Variants in SCAMP3 observed in about 807,000 individuals in gnomAD.
SCAMP3 encodes the protein secretory carrier-associated membrane protein 3.
In SCAMP3, 30 loss-of-function variants were observed where a neutral mutation model predicts 44.1. That is an observed-to-expected ratio of 0.68 (90% confidence interval 0.51 to 0.92). The LOEUF (loss-of-function observed/expected upper bound fraction) is 0.92. Ranked by LOEUF, SCAMP3 falls within the 40% of genes least tolerant of loss-of-function variation. The pLI is 0.00. For missense variants in SCAMP3, 394 were observed against 440.0 expected (o/e 0.90, Z 0.93); for synonymous variants, 168 against 171.1 (o/e 0.98, Z 0.14).
At position 155,256,740 on chromosome 1, in the gene SCAMP3, C is replaced by T; in HGVS notation, c.831G>A (p.Val277=). The change falls in exon 8 of 9, where the codon GTG becomes GTA. Residue 277 remains valine (V), a synonymous_variant. Transcript: ENST00000302631. The part of the protein sequence containing the change: ...VVPKGNTAVS[V]LMLLVALLFT... ...AGAGCAGGGCGACCAGCAGCATGAG[C>T]ACGGATACTGCTGTGTTGCCCTTCG... 2 of 1,614,238 alleles carry T rather than the reference C, an allele frequency of 1.2e-6. No individual in the cohort carries two copies. Among genetic ancestry groups the T allele is most frequent in the Middle Eastern group, 1.6e-4 (1 of 6,062 alleles).
chr1:155,257,616 C>A lies in SCAMP3; in HGVS notation c.559G>T (p.Ala187Ser), dbSNP rs1366844025. 6.3e-7 allele frequency: 1 copy of A among 1,577,448 alleles called. No homozygotes were observed. Among genetic ancestry groups the A allele is most frequent in the Non-Finnish European group, 8.6e-7 (1 of 1,160,096 alleles). The change falls in exon 6 of 9, where the codon GCC (alanine) becomes TCC (serine). Residue 187 changes from alanine (A) to serine (S), a missense_variant. Ala to Ser is a moderately conservative substitution (Grantham distance 99, BLOSUM62 1). Transcript: ENST00000302631. ...TTGTTGGTTTCCACACAGAAGCTGG[C>A]CAGGCAGGCGAGGAAGTTCAGGAGA... ...ALLLNFLACLASFCVETNNGA... is the reference protein window; with the variant it reads ...ALLLNFLACLSSFCVETNNGA...
At position 155,256,665 on chromosome 1, in the gene SCAMP3, A is replaced by C; in HGVS notation, c.897+9T>G. ...ACCATCCCGGCCCCACCTTCGACAC[A>C]GCCCTCACCCGTTTCAGCATGACAA... On this transcript the variant is annotated intron_variant, in intron 8 of 8. Transcript: ENST00000302631. The C allele has an allele frequency of 1.9e-6, 3 of 1,611,588 alleles. No homozygotes were observed. The highest frequency in any genetic ancestry group is 2.5e-6 in the Non-Finnish European group (3 of 1,177,654).
In SCAMP3 at chr1:155,257,385, T is replaced by G; in HGVS notation, c.679A>C (p.Ser227Arg). 5 of 1,612,882 alleles carry G rather than the reference T, an allele frequency of 3.1e-6. No individual in the cohort carries two copies. The highest frequency in any genetic ancestry group is 4.2e-6 in the Non-Finnish European group (5 of 1,179,298). The change falls in exon 7 of 9, where the codon AGT becomes CGT. Residue 227 changes from serine to arginine, a missense_variant and splice_region_variant. Physicochemically the swap from Ser to Arg is moderately radical, Grantham distance 110. Coordinates refer to ENST00000302631, the MANE Select transcript of SCAMP3 (RefSeq NM_005698.4). Reference protein sequence around the residue: ...WYRPMYKAFRSDSSFNFFVFF... With the variant: ...WYRPMYKAFRRDSSFNFFVFF... ...ACGAAGAAATTGAATGAACTGTCAC[T>G]CCTACAAAGAGGAAAAAAATGGGGA... is the stretch of plus-strand genomic sequence containing the variant.
rs1344981019 is a variant in SCAMP3, at chr1:155,256,017, C to T, written c.*256G>A. 2 of 398,614 alleles carry T rather than the reference C, an allele frequency of 5.0e-6. No homozygotes were observed. Among genetic ancestry groups the T allele is most frequent in the Admixed American group, 4.4e-5 (1 of 22,970 alleles). The allele number at this position is 398,614 out of a possible 1,614,324, so 24.7% of individuals were successfully genotyped here. A position where few individuals can be genotyped will look rare whatever the true frequency, so the allele number is the denominator to read the frequency against. On this transcript the variant is annotated 3_prime_UTR_variant, in exon 9 of 9. Coordinates refer to ENST00000302631, the MANE Select transcript of SCAMP3 (RefSeq NM_005698.4). The stretch of plus-strand genomic sequence containing the variant: ...TCCACTTTCTTTTTATTTAAATAAC[C>T]GAAGCAACAGCCGTGGCACAGCAGA...
Position 155,257,395 on chromosome 1 carries a change from AG to A in SCAMP3, c.678-10del. 2.5e-6 allele frequency: 4 copies of A among 1,612,252 alleles called. No homozygotes were observed. Among genetic ancestry groups the A allele is most frequent in the Non-Finnish European group, 3.4e-6 (4 of 1,178,780 alleles). On this transcript the variant is annotated splice_polypyrimidine_tract_variant and intron_variant, in intron 6 of 8. Coordinates refer to ENST00000302631, the MANE Select transcript of SCAMP3 (RefSeq NM_005698.4). The stretch of plus-strand genomic sequence containing the variant: ...TGAATGAACTGTCACTCCTACAAAG[AG>A]GAAAAAAATGGGGAGGGTGGGAGAA...
At chr1:155,261,294 T>C (rs1247626811) in intron 2 of SCAMP3, 2 of 234,958 alleles carry the variant, frequency 8.5e-6, no homozygotes, top group Non-Finnish European at 1.7e-5. Flanking sequence ...TCTAATCCAG[T>C]GGGACAAACA....
intron 2 of SCAMP3, 116 bp from the exon 3 acceptor site, chr1:155,260,775 T>C: frequency 1.1e-6 from 1 of 898,084 alleles, no homozygotes. Context: ...CTTTCCCCCA[T>C]TTGTTAGGAA....
chr1:155,258,306 A>G (rs11587245), intron 5 of SCAMP3, among the ~76,000 whole-genome samples: 5 of 123,634 alleles, frequency 4.0e-5, no homozygotes, highest in Non-Finnish European at 8.3e-5. Flanking sequence ...GGTGTGAGCC[A>G]CCGTGCCCGG....
intron 2 of SCAMP3, 136 bp downstream of exon 2, chr1:155,261,521 T>C: frequency 1.2e-6 from 1 of 816,130 alleles, no homozygotes; most frequent in South Asian, 1.5e-5. Context: ...CATGGCTGAC[T>C]AGCCTCTCTC....
At chr1:155,257,231 C>G in intron 7 of SCAMP3, 54 bp downstream of exon 7, 1 of 1,176,200 alleles carries the variant, frequency 8.5e-7, no homozygotes, top group Non-Finnish European at 1.3e-6. Context: ...TCCCAGCACC[C>G]AGTGCTGGCT....
At chr1:155,260,251 C>T in intron 4 of SCAMP3, 79 bp downstream of exon 4, 2 of 1,569,540 alleles carry the variant, frequency 1.3e-6, no homozygotes, top group Non-Finnish European at 1.7e-6. Context: ...AGCCACCGCA[C>T]CCAGCCGAGC....
chr1:155,256,516 GCA>G, intron 8 of SCAMP3, 97 bp from the exon 9 acceptor site: 2 of 1,447,020 alleles, frequency 1.4e-6, no homozygotes, highest in Non-Finnish European at 9.6e-7. Flanking sequence ...CTGCTGCCCA[GCA>G]CACACACTCA....
At chr1:155,257,808 G>A in intron 5 of SCAMP3, 151 bp from the exon 6 acceptor site, 1 of 707,624 alleles carries the variant, frequency 1.4e-6, no homozygotes, top group Admixed American at 2.9e-5. Flanking sequence ...CAGGGGAGAT[G>A]GAGAAAGCAA....
At chr1:155,258,267 C>G (rs1291933904) in intron 5 of SCAMP3, among the ~76,000 whole-genome samples, 1 of 151,030 alleles carries the variant, frequency 6.6e-6, no homozygotes, top group South Asian at 2.1e-4. Flanking sequence ...GTTCTGCCCA[C>G]CTGGGCCTCC....
At position 155,260,748 on chromosome 1, in the gene SCAMP3, T is replaced by G. The variant is rs541390032; in HGVS notation, c.145-89A>C. 135 of 1,193,246 alleles carry G rather than the reference T, an allele frequency of 1.1e-4. 1 individual carries two copies. In the South Asian group the frequency reaches 1.8e-3, roughly 16 times the overall value. The allele number at this position is 1,193,246 out of a possible 1,614,324, so 73.9% of individuals were successfully genotyped here. A position where few individuals can be genotyped will look rare whatever the true frequency, so the allele number is the denominator to read the frequency against. On this transcript the variant is annotated intron_variant, in intron 2 of 8. Transcript: ENST00000302631. ...TGAATACCTTTAGACCCAGAACTCATGATGTAAGGAAGCAGCCTTTCCCCC... is the reference window on the plus strand; with the variant it reads ...TGAATACCTTTAGACCCAGAACTCAGGATGTAAGGAAGCAGCCTTTCCCCC...
At chr1:155,259,569 T>C (rs1455951530) in intron 4 of SCAMP3, among the ~76,000 whole-genome samples, 1 of 152,044 alleles carries the variant, frequency 6.6e-6, no homozygotes, top group Non-Finnish European at 1.5e-5. Flanking sequence ...CTCACTATGT[T>C]GTCCAGGTTG....
intron 4 of SCAMP3, among the ~76,000 whole-genome samples, chr1:155,260,075 C>G (rs533954668): frequency 6.6e-6 from 1 of 152,136 alleles, no homozygotes; most frequent in Admixed American, 6.5e-5. Context: ...CCTCAGCCTC[C>G]CGAGTAGCTG....
intron 4 of SCAMP3, among the ~76,000 whole-genome samples, chr1:155,259,960 T>G (rs1366865625): frequency 6.6e-6 from 1 of 151,704 alleles, no homozygotes; most frequent in Non-Finnish European, 1.5e-5. Flanking sequence ...TTTGTGTTTT[T>G]TTTTTTTTTT....
At chr1:155,257,157 T>C (rs1389226428) in intron 7 of SCAMP3, 128 bp downstream of exon 7, 9 of 663,776 alleles carry the variant, frequency 1.4e-5, no homozygotes, top group Non-Finnish European at 2.7e-6. Context: ...GTATGTCTTG[T>C]ATCTCATTAA....
Sources: allele counts gnomAD v4.1 joint callset (sites outside exome capture counted in the v4.1 genomes callset), GRCh38; gene constraint gnomAD v4.1.1; transcripts MANE v1.5; gene names NCBI Gene and HGNC (gene_info 2026-07-23, HGNC 2026-07-21).